The following ADAM32 variants were observed in gnomAD, a reference collection of about 807,000 sequenced individuals.
The protein encoded by ADAM32 is ADAM metallopeptidase domain 32.
ADAM32 carries 89 observed loss-of-function variants against 114.9 expected under a neutral mutation model. The observed-to-expected ratio is 0.77, with a 90% CI of 0.65 to 0.92. The LOEUF (loss-of-function observed/expected upper bound fraction) is 0.92. Ranked by LOEUF, ADAM32 falls within the 40% of genes least tolerant of loss-of-function variation. The pLI is 0.00. For synonymous variants in ADAM32, 285 were observed against 307.5 expected (o/e 0.93, Z 0.77); for missense variants, 870 against 932.8 (o/e 0.93, Z 0.88).
chr8:39,274,197 A>G (rs1812928723), intron 20 of ADAM32, 115 bp from the exon 21 acceptor site: 1 of 943,522 alleles, frequency 1.1e-6, no homozygotes, highest in African/African-American at 1.7e-5. Context: ...TTTATTTATT[A>G]GTAATTAGTC....
chr8:39,251,216 A>G (rs1170463492), intron 17 of ADAM32, among the ~76,000 whole-genome samples: 2 of 151,852 alleles, frequency 1.3e-5, no homozygotes, highest in Admixed American at 6.6e-5. Context: ...GTCATATAGT[A>G]GTTCTATTTT....
chr8:39,228,763 G>T (rs10112636), intron 14 of ADAM32, among the ~76,000 whole-genome samples: 14,207 of 152,160 alleles, frequency 0.093, 2,243 homozygotes, highest in African/African-American at 0.32. Flanking sequence ...ATATTTGGGG[G>T]AATAATGGAG....
Position 39,225,392 on chromosome 8 carries a change from C to T in ADAM32, c.1525+2154C>T, listed in dbSNP as rs1220213046. 4.6e-5 allele frequency among the ~76,000 whole-genome samples: 7 copies of T among 152,162 alleles called. No homozygotes were observed. In the East Asian group the frequency reaches 1.3e-3, roughly 29 times the overall value. Reference sequence around the variant, plus strand: ...GCAGGGCTGTCTTCACCCTAGGCACCAGTGTGACTGCTGCCCTGTACCCTT... The same window carrying T: ...GCAGGGCTGTCTTCACCCTAGGCACTAGTGTGACTGCTGCCCTGTACCCTT... On this transcript the variant is annotated intron_variant, in intron 14 of 24. Transcript: ENST00000379907.
intron 19 of ADAM32, among the ~76,000 whole-genome samples, chr8:39,258,131 CT>C (rs1386345894): frequency 2.0e-5 from 3 of 146,958 alleles, no homozygotes; most frequent in East Asian, 2.0e-4. Flanking sequence ...TTTGTTTTGT[CT>C]TTTTTTTTTC....
At chr8:39,131,844 G>A (rs1588487415) in intron 2 of ADAM32, among the ~76,000 whole-genome samples, 1 of 152,034 alleles carries the variant, frequency 6.6e-6, no homozygotes, top group Admixed American at 6.6e-5. Context: ...ACCTATTTGT[G>A]TATTGAATCT....
intron 16 of ADAM32, among the ~76,000 whole-genome samples, chr8:39,239,741 A>G (rs1409730282): frequency 6.6e-6 from 1 of 152,230 alleles, no homozygotes; most frequent in Non-Finnish European, 1.5e-5. Flanking sequence ...AAGATATTAC[A>G]TGCAAATGGA....
chr8:39,278,768 G>A (rs1813247647), intron 22 of ADAM32, among the ~76,000 whole-genome samples: 3 of 151,738 alleles, frequency 2.0e-5, no homozygotes, highest in South Asian at 2.1e-4. Flanking sequence ...TTTCATTATG[G>A]GTTTAGTTTC....
At chr8:39,148,238 A>G (rs1037308247) in intron 4 of ADAM32, among the ~76,000 whole-genome samples, 7 of 152,102 alleles carry the variant, frequency 4.6e-5, no homozygotes, top group Non-Finnish European at 1.0e-4. Context: ...CTCATTTCCT[A>G]TTATTCTCTA....
chr8:39,203,550 A>T (rs1037085410), intron 11 of ADAM32, among the ~76,000 whole-genome samples: 1 of 152,140 alleles, frequency 6.6e-6, no homozygotes, highest in African/African-American at 2.4e-5. Context: ...GGGTCTCCTG[A>T]ATACAGCACA....
At chr8:39,283,209 A>G (rs1327338847) in intron 23 of ADAM32, among the ~76,000 whole-genome samples, 1 of 152,066 alleles carries the variant, frequency 6.6e-6, no homozygotes, top group African/African-American at 2.4e-5. Context: ...GGAGTTCAAG[A>G]CAAGCCTGGG....
intron 5 of ADAM32, 127 bp downstream of exon 5, chr8:39,149,994 C>T (rs529909462): frequency 1.0e-5 from 6 of 574,186 alleles, no homozygotes; most frequent in Admixed American, 7.5e-5. Flanking sequence ...ATGATATCCC[C>T]CTCTGAACAT....
intron 2 of ADAM32, among the ~76,000 whole-genome samples, chr8:39,120,286 G>A (rs1564433463): frequency 3.3e-5 from 5 of 152,186 alleles, no homozygotes; most frequent in Admixed American, 1.3e-4. Flanking sequence ...TAGAAGACTG[G>A]TGAAGTACAT....
At chr8:39,256,233 C>G (rs1019998189) in intron 18 of ADAM32, among the ~76,000 whole-genome samples, 4 of 151,984 alleles carry the variant, frequency 2.6e-5, no homozygotes, top group African/African-American at 9.7e-5. Flanking sequence ...TTTAAAATTT[C>G]TCTTTACTGA....
intron 3 of ADAM32, among the ~76,000 whole-genome samples, chr8:39,138,157 TTGTG>T (rs1802917093): frequency 6.6e-6 from 1 of 152,118 alleles, no homozygotes; most frequent in African/African-American, 2.4e-5. Context: ...TTTCCTTTTT[TTGTG>T]TGTATGTTTT....
At chr8:39,150,005 G>GT (rs1455659353) in intron 5 of ADAM32, 138 bp downstream of exon 5, 2 of 548,646 alleles carry the variant, frequency 3.6e-6, no homozygotes, top group Non-Finnish European at 6.1e-6. Context: ...CTCTGAACAT[G>GT]TTTCCAATTC....
At chr8:39,126,864 G>A (rs10958537) in intron 2 of ADAM32, among the ~76,000 whole-genome samples, 43,038 of 151,836 alleles carry the variant, frequency 0.28, 6,133 homozygotes, top group Middle Eastern at 0.34. Context: ...GTTTACTGAG[G>A]GTTTTTAACA....
intron 1 of ADAM32, among the ~76,000 whole-genome samples, chr8:39,115,340 C>T (rs980266016): frequency 6.6e-6 from 1 of 152,198 alleles, no homozygotes; most frequent in Admixed American, 6.5e-5. Context: ...AGAAATCACA[C>T]TGCTTTCCAC....
intron 5 of ADAM32, among the ~76,000 whole-genome samples, chr8:39,151,070 A>G (rs936078405): frequency 8.9e-5 from 8 of 89,890 alleles, no homozygotes; most frequent in Non-Finnish European, 2.1e-4. Flanking sequence ...TCTGTTTACA[A>G]TTGCTTTAAT....
intron 12 of ADAM32, among the ~76,000 whole-genome samples, chr8:39,218,123 G>A (rs1808716318): frequency 6.6e-6 from 1 of 152,112 alleles, no homozygotes; most frequent in Non-Finnish European, 1.5e-5. Context: ...ACTCTTAGAG[G>A]TACTGTCTTG....
Sources: allele counts gnomAD v4.1 joint callset (sites outside exome capture counted in the v4.1 genomes callset), GRCh38; gene constraint gnomAD v4.1.1; transcripts MANE v1.5; gene names NCBI Gene and HGNC (gene_info 2026-07-23, HGNC 2026-07-21).